RBFOX1: variants seen among roughly 807,000 people sequenced by gnomAD.
The protein encoded by RBFOX1 is RNA binding protein fox-1 homolog 1.
Under a neutral mutation model 57.7 loss-of-function variants are expected in RBFOX1, and 8 were observed. That is an observed-to-expected ratio of 0.14 (90% CI 0.08 to 0.25). The LOEUF (loss-of-function observed/expected upper bound fraction) is 0.25, where lower values mean the gene tolerates loss of function less well. Ranked by LOEUF, RBFOX1 falls within the 10% of genes least tolerant of loss-of-function variation. RBFOX1 has a pLI of 1.00. For synonymous variants in RBFOX1, 326 were observed against 222.4 expected (o/e 1.47, Z -4.15); for missense variants, 611 against 548.5 (o/e 1.11, Z -1.14).
chr16:5,882,163 G>C lies in RBFOX1; in HGVS notation c.351+14828G>C, dbSNP rs1391255624. Among the ~76,000 whole-genome samples the C allele has an allele frequency of 3.9e-5, 6 of 152,208 alleles. 1 individual carries two copies. The highest frequency in any genetic ancestry group is 3.3e-4 in the Admixed American group (5 of 15,268). On this transcript the variant is annotated intron_variant, in intron 4 of 19. Transcript: ENST00000641259. ...TTCAGGCATTCTCTTTCCACACACT[G>C]TGAAGGTGAAATCACTAACCTCTAC...
intron 4 of RBFOX1, among the ~76,000 whole-genome samples, chr16:7,147,248 G>A (rs1013795716): frequency 6.7e-5 from 10 of 150,150 alleles, no homozygotes; most frequent in South Asian, 2.1e-4. Context: ...CAAGTGATCC[G>A]CCCACCTCAG....
chr16:6,945,339 C>G (rs1023911770), intron 3 of RBFOX1, among the ~76,000 whole-genome samples: 1 of 152,138 alleles, frequency 6.6e-6, no homozygotes, highest in African/African-American at 2.4e-5. Context: ...TAGGGCCAGA[C>G]AGTTAATGTT....
intron 4 of RBFOX1, among the ~76,000 whole-genome samples, chr16:7,498,144 T>C (rs1287051695): frequency 6.6e-6 from 1 of 152,096 alleles, no homozygotes; most frequent in African/African-American, 2.4e-5. Flanking sequence ...AAAGGTAAAA[T>C]GAAGAATAAC....
At chr16:5,807,179 T>C (rs1279541873) in intron 3 of RBFOX1, among the ~76,000 whole-genome samples, 1 of 152,208 alleles carries the variant, frequency 6.6e-6, no homozygotes, top group Non-Finnish European at 1.5e-5. Flanking sequence ...GCCTTCTTTT[T>C]CCACCATGAT....
intron 1 of RBFOX1, among the ~76,000 whole-genome samples, chr16:5,336,909 A>G (rs2064910666): frequency 6.6e-6 from 1 of 152,224 alleles, no homozygotes; most frequent in African/African-American, 2.4e-5. Context: ...CACTGGGGAC[A>G]CAAGAGCTAC....
chr16:6,829,697 G>T (rs1412355295), intron 3 of RBFOX1, among the ~76,000 whole-genome samples: 1 of 152,024 alleles, frequency 6.6e-6, no homozygotes, highest in East Asian at 1.9e-4. Flanking sequence ...CGTCTCCTGG[G>T]TTCAAGAGAT....
intron 3 of RBFOX1, among the ~76,000 whole-genome samples, chr16:6,855,844 TCTTTCCCTC>T: frequency 6.8e-6 from 1 of 147,564 alleles, no homozygotes; most frequent in African/African-American, 2.5e-5. Context: ...CTTCCCTCCC[TCTTTCCCTC>T]CCTTCCTTTC....
At chr16:5,767,864 C>T (rs1006226201) in intron 3 of RBFOX1, among the ~76,000 whole-genome samples, 3 of 152,106 alleles carry the variant, frequency 2.0e-5, no homozygotes, top group Non-Finnish European at 2.9e-5. Flanking sequence ...TTTGAGGATT[C>T]CTATTTGTAT....
intron 1 of RBFOX1, among the ~76,000 whole-genome samples, chr16:5,359,485 G>C (rs145286575): frequency 5.9e-5 from 9 of 152,308 alleles, no homozygotes; most frequent in African/African-American, 2.2e-4. Flanking sequence ...GTTCATGCCT[G>C]TCTTTTGGAT....
intron 3 of RBFOX1, among the ~76,000 whole-genome samples, chr16:6,914,861 C>G (rs936150153): frequency 4.6e-5 from 7 of 152,232 alleles, no homozygotes; most frequent in African/African-American, 1.2e-4. Context: ...GTGTTCCAAG[C>G]TGGGCAACAG....
At chr16:7,116,242 C>A (rs1452389757) in intron 4 of RBFOX1, among the ~76,000 whole-genome samples, 1 of 152,110 alleles carries the variant, frequency 6.6e-6, no homozygotes, top group African/African-American at 2.4e-5. Flanking sequence ...AGAGAGAAAG[C>A]CCATGCAGTA....
intron 2 of RBFOX1, among the ~76,000 whole-genome samples, chr16:5,470,851 A>T (rs2069111046): frequency 6.6e-6 from 1 of 151,836 alleles, no homozygotes; most frequent in Admixed American, 6.6e-5. Context: ...AGTGATTATT[A>T]TTATTATTAT....
At chr16:5,283,010 A>G (rs9934097) in intron 1 of RBFOX1, among the ~76,000 whole-genome samples, 48,948 of 151,976 alleles carry the variant, frequency 0.32, 7,909 homozygotes, top group Non-Finnish European at 0.33. Flanking sequence ...AGGGACCCCT[A>G]CTGTGAGCAG....
At chr16:6,735,671 T>A (rs1020100964) in intron 3 of RBFOX1, among the ~76,000 whole-genome samples, 2 of 152,150 alleles carry the variant, frequency 1.3e-5, no homozygotes, top group Non-Finnish European at 2.9e-5. Context: ...ATGCTGAGAC[T>A]CTCTCAGATC....
chr16:6,814,137 C>G (rs1267919246), intron 3 of RBFOX1, among the ~76,000 whole-genome samples: 1 of 151,882 alleles, frequency 6.6e-6, no homozygotes, highest in Non-Finnish European at 1.5e-5. Flanking sequence ...TTTAAAACTC[C>G]TAGAACAACA....
At chr16:6,301,246 A>G (rs1322423144) in intron 1 of RBFOX1, among the ~76,000 whole-genome samples, 2 of 152,214 alleles carry the variant, frequency 1.3e-5, no homozygotes, top group Admixed American at 6.5e-5. Flanking sequence ...TCAGTATTTC[A>G]TATACATGAG....
At chr16:7,398,723 A>G (rs2098184379) in intron 4 of RBFOX1, among the ~76,000 whole-genome samples, 1 of 152,224 alleles carries the variant, frequency 6.6e-6, no homozygotes, top group Admixed American at 6.5e-5. Context: ...GCATGTGCTG[A>G]GTCTGACTAC....
intron 1 of RBFOX1, among the ~76,000 whole-genome samples, chr16:6,283,368 G>A (rs2152703917): frequency 6.6e-6 from 1 of 152,108 alleles, no homozygotes; most frequent in African/African-American, 2.4e-5. Flanking sequence ...ATATCCTTAA[G>A]CCTAGCCATT....
At chr16:5,949,140 C>T (rs140734676) in intron 4 of RBFOX1, among the ~76,000 whole-genome samples, 1 of 152,004 alleles carries the variant, frequency 6.6e-6, no homozygotes, top group Non-Finnish European at 1.5e-5. Context: ...GGGTATTCTC[C>T]CATATAACCA....
Sources: allele counts gnomAD v4.1 joint callset (sites outside exome capture counted in the v4.1 genomes callset), GRCh38; gene constraint gnomAD v4.1.1; transcripts MANE v1.5; gene names NCBI Gene and HGNC (gene_info 2026-07-23, HGNC 2026-07-21).